The following DNAJC6 variants were observed in gnomAD, a reference collection of about 807,000 sequenced individuals.
DNAJC6 encodes the protein auxilin.
DNAJC6 carries 34 observed loss-of-function variants against 110.0 expected under a neutral mutation model. That is an observed-to-expected ratio of 0.31 (90% confidence interval 0.24 to 0.41). The LOEUF (loss-of-function observed/expected upper bound fraction) is 0.41, where lower values mean the gene tolerates loss of function less well. Ranked by LOEUF, DNAJC6 falls within the 10% of genes least tolerant of loss-of-function variation. The pLI, the probability that DNAJC6 is intolerant of heterozygous loss-of-function variation, is 1.00. For synonymous variants in DNAJC6, 406 were observed against 437.2 expected (o/e 0.93, Z 0.89); for missense variants, 1,031 against 1,207.8 (o/e 0.85, Z 2.17).
intron 1 of DNAJC6, among the ~76,000 whole-genome samples, chr1:65,356,253 A>G (rs1320445914): frequency 6.6e-6 from 1 of 152,100 alleles, no homozygotes; most frequent in Admixed American, 6.6e-5. Context: ...ATCATGTACT[A>G]TGAGTGCTGA....
At chr1:65,319,054 G>C (rs1645173275) in intron 1 of DNAJC6, among the ~76,000 whole-genome samples, 1 of 152,132 alleles carries the variant, frequency 6.6e-6, no homozygotes, top group African/African-American at 2.4e-5. Context: ...GTGAGACTGG[G>C]AAAAAGTCAG....
chr1:65,297,407 T>C (rs1479743121), intron 1 of DNAJC6, among the ~76,000 whole-genome samples: 1 of 152,238 alleles, frequency 6.6e-6, no homozygotes, highest in African/African-American at 2.4e-5. Flanking sequence ...TTTTTCTGTC[T>C]TGATTTTCTT....
intron 4 of DNAJC6, among the ~76,000 whole-genome samples, chr1:65,376,112 T>C (rs1459634530): frequency 6.6e-6 from 1 of 152,186 alleles, no homozygotes; most frequent in East Asian, 1.9e-4. Context: ...TGGTTCAATC[T>C]TGGTAGGTTG....
chr1:65,280,352 CCAAA>C (rs1456937764), intron 1 of DNAJC6, among the ~76,000 whole-genome samples: 1 of 151,804 alleles, frequency 6.6e-6, no homozygotes, highest in Non-Finnish European at 1.5e-5. Context: ...ATATGACGGC[CCAAA>C]CACTCTCCAC....
intron 1 of DNAJC6, among the ~76,000 whole-genome samples, chr1:65,328,012 G>C (rs1645256276): frequency 6.6e-6 from 1 of 152,044 alleles, no homozygotes; most frequent in Non-Finnish European, 1.5e-5. Flanking sequence ...ACCATGCCCA[G>C]CTCAATAAAT....
chr1:65,310,979 A>G (rs1645093828), intron 1 of DNAJC6, among the ~76,000 whole-genome samples: 2 of 152,172 alleles, frequency 1.3e-5, no homozygotes, highest in Non-Finnish European at 2.9e-5. Context: ...TGCTTTGCAA[A>G]CAAATGCTTG....
chr1:65,337,416 C>T (rs186099767), intron 1 of DNAJC6, among the ~76,000 whole-genome samples: 94 of 151,836 alleles, frequency 6.2e-4, no homozygotes, highest in African/African-American at 2.2e-3. Context: ...GATTCTTACC[C>T]TTTATTTACC....
chr1:65,335,873 A>G (rs368688243), intron 1 of DNAJC6, among the ~76,000 whole-genome samples: 16 of 152,198 alleles, frequency 1.1e-4, no homozygotes, highest in East Asian at 7.7e-4. Context: ...GTTTCTCTTT[A>G]TGAACCACAC....
At position 65,401,765 on chromosome 1, in the gene DNAJC6, C is replaced by G. The variant is rs1370811607; in HGVS notation, c.2112C>G (p.Gly704=). Reference sequence around the variant, plus strand: ...ATGACCTTATTTCCTTTTCAGGAGGCTTTGGAATGGGAAGCAAGTCAGCTG... The same window carrying G: ...ATGACCTTATTTCCTTTTCAGGAGGGTTTGGAATGGGAAGCAAGTCAGCTG... The part of the protein sequence containing the change: ...GGWDWHAKPG[G]FGMGSKSAAT... Residue 704 remains glycine (G), a synonymous_variant, in exon 15 of 19, where the codon GGC becomes GGG. Transcript: ENST00000371069. The G allele has an allele frequency of 1.2e-6, 2 of 1,611,662 alleles. No homozygotes were observed. Among genetic ancestry groups the G allele is most frequent in the Admixed American group, 3.4e-5 (2 of 58,938 alleles).
chr1:65,331,746 C>G (rs1418656224), intron 1 of DNAJC6, among the ~76,000 whole-genome samples: 3 of 152,174 alleles, frequency 2.0e-5, no homozygotes, highest in Admixed American at 6.5e-5. Flanking sequence ...ACCATGTTTG[C>G]TGAGTATGAG....
intron 1 of DNAJC6, among the ~76,000 whole-genome samples, chr1:65,343,055 T>A (rs1645404193): frequency 6.6e-6 from 1 of 152,204 alleles, no homozygotes; most frequent in African/African-American, 2.4e-5. Flanking sequence ...TTCAAGCCTT[T>A]TGAGATCTGA....
At chr1:65,362,491 A>G (rs1315114429) in intron 1 of DNAJC6, among the ~76,000 whole-genome samples, 1 of 152,204 alleles carries the variant, frequency 6.6e-6, no homozygotes, top group Non-Finnish European at 1.5e-5. Flanking sequence ...AAATACCATC[A>G]ATACAGGAAT....
At chr1:65,310,009 G>A in intron 1 of DNAJC6, 71 bp downstream of exon 1, 3 of 1,376,450 alleles carry the variant, frequency 2.2e-6, no homozygotes, top group East Asian at 3.0e-5. Context: ...CGCCCGGCCC[G>A]AGGCCCCCCC....
chr1:65,314,102 G>A (rs1439451658), intron 1 of DNAJC6, among the ~76,000 whole-genome samples: 6 of 151,904 alleles, frequency 3.9e-5, no homozygotes, highest in South Asian at 2.1e-4. Flanking sequence ...TAAGTATAAT[G>A]ATAGGTAAGG....
At chr1:65,403,130 A>C (rs1646044747) in intron 15 of DNAJC6, among the ~76,000 whole-genome samples, 1 of 152,248 alleles carries the variant, frequency 6.6e-6, no homozygotes, top group Non-Finnish European at 1.5e-5. Flanking sequence ...AAATAATGAA[A>C]ACAATAAAAA....
intron 1 of DNAJC6, among the ~76,000 whole-genome samples, chr1:65,268,426 C>T (rs1312282114): frequency 6.6e-6 from 1 of 152,136 alleles, no homozygotes; most frequent in Non-Finnish European, 1.5e-5. Context: ...AACATGACAG[C>T]TAATTATAAC....
intron 1 of DNAJC6, among the ~76,000 whole-genome samples, chr1:65,351,601 G>A (rs1348234676): frequency 6.6e-6 from 1 of 152,164 alleles, no homozygotes; most frequent in Admixed American, 6.5e-5. Context: ...TGAGTGTGGT[G>A]TATGTGTATG....
chr1:65,351,642 C>T (rs1645490661), intron 1 of DNAJC6, among the ~76,000 whole-genome samples: 1 of 152,166 alleles, frequency 6.6e-6, no homozygotes, highest in African/African-American at 2.4e-5. Context: ...GAGTTGTACT[C>T]TGTGTTTTCA....
chr1:65,293,141 C>T (rs979129373), intron 1 of DNAJC6, among the ~76,000 whole-genome samples: 4 of 152,254 alleles, frequency 2.6e-5, no homozygotes, highest in Admixed American at 6.5e-5. Flanking sequence ...GACTGGATAG[C>T]ATAAACAACA....
Sources: gnomAD v4.1 joint callset for allele counts (sites outside exome capture counted in the v4.1 genomes callset) on GRCh38, gnomAD v4.1.1 for gene constraint, MANE v1.5 for transcripts, NCBI Gene and HGNC (gene_info 2026-07-23, HGNC 2026-07-21) for gene names.